EYS: variants seen among roughly 807,000 people sequenced by gnomAD.
EYS encodes the protein EGF-like photoreceptor maintenance factor.
Under a neutral mutation model 282.1 loss-of-function variants are expected in EYS, and 250 were observed. That is an observed-to-expected ratio of 0.89 (90% CI 0.80 to 0.98). The LOEUF is 0.98. Ranked by LOEUF, EYS falls within the 50% of genes least tolerant of loss-of-function variation. The pLI, the probability that EYS is intolerant of heterozygous loss-of-function variation, is 0.00. For missense variants in EYS, 4,016 were observed against 3,709.0 expected, an observed-to-expected ratio of 1.08 and a Z score of -2.15; for synonymous variants, 1,355 against 1,282.9, an observed-to-expected ratio of 1.06 and a Z score of -1.20.
Position 64,019,320 on chromosome 6 carries a change from A to T in EYS, c.6726-20137T>A, listed in dbSNP as rs895930924. On this transcript the variant is annotated intron_variant, in intron 33 of 42. Coordinates refer to ENST00000503581, the MANE Select transcript of EYS (RefSeq NM_001142800.2). The stretch of plus-strand genomic sequence containing the variant: ...GACTTCTGGTTTCCAGAGCTGTGAG[A>T]TAATAAATTTCTGTTGTTTTAGGCC... Among the ~76,000 whole-genome samples, 12 of 152,288 alleles carry T rather than the reference A, an allele frequency of 7.9e-5. No individual in the cohort carries two copies. The East Asian group carries it at 2.1e-3, about 27-fold the overall frequency.
At chr6:64,270,725 C>T (rs1767916030) in intron 30 of EYS, among the ~76,000 whole-genome samples, 1 of 152,126 alleles carries the variant, frequency 6.6e-6, no homozygotes, top group African/African-American at 2.4e-5. Context: ...AGTCTAATGA[C>T]TTAATAAACA....
intron 29 of EYS, among the ~76,000 whole-genome samples, chr6:64,347,453 G>A (rs1771451897): frequency 6.6e-6 from 1 of 151,324 alleles, no homozygotes; most frequent in African/African-American, 2.4e-5. Flanking sequence ...AAAATCTGAA[G>A]ATGGAGGGTG....
intron 1 of EYS, among the ~76,000 whole-genome samples, chr6:65,660,148 G>A (rs899584490): frequency 6.6e-6 from 1 of 151,772 alleles, no homozygotes; most frequent in South Asian, 2.1e-4. Flanking sequence ...AGAACCTTTT[G>A]AGCATTGAGT....
At chr6:65,041,589 T>C (rs1772935709) in intron 13 of EYS, among the ~76,000 whole-genome samples, 1 of 151,672 alleles carries the variant, frequency 6.6e-6, no homozygotes, top group Non-Finnish European at 1.5e-5. Flanking sequence ...TCCAACACAG[T>C]ACTCCTGTGT....
At chr6:64,640,575 G>C (rs182130055) in intron 22 of EYS, among the ~76,000 whole-genome samples, 6 of 151,294 alleles carry the variant, frequency 4.0e-5, no homozygotes, top group Non-Finnish European at 5.9e-5. Flanking sequence ...GTTGTGGGGT[G>C]GGGGGAGTGG....
chr6:65,109,151 T>C (rs1775132122), intron 12 of EYS, among the ~76,000 whole-genome samples: 1 of 152,040 alleles, frequency 6.6e-6, no homozygotes, highest in Admixed American at 6.6e-5. Context: ...ATACAAACTA[T>C]TTTTATTTTT....
In EYS at chr6:65,618,623, T is replaced by C. The variant is rs532592725; in HGVS notation, c.-333+21155A>G. ...TTTTGGTGTTTTACATATGAAGTCC[T>C]TGCCCATGCCTATGTCCTGAATGGT... On this transcript the variant is annotated intron_variant, in intron 2 of 42. Coordinates refer to ENST00000503581, the MANE Select transcript of EYS (RefSeq NM_001142800.2). Among the ~76,000 whole-genome samples the C allele has an allele frequency of 5.9e-5, 9 of 152,370 alleles. 1 individual carries two copies. The highest frequency in any genetic ancestry group is 5.9e-4 in the Admixed American group (9 of 15,304).
At chr6:64,063,964 G>A (rs1448837593) in intron 33 of EYS, among the ~76,000 whole-genome samples, 1 of 152,128 alleles carries the variant, frequency 6.6e-6, no homozygotes, top group Admixed American at 6.6e-5. Context: ...CTGACCTCAG[G>A]TGATCCAGCC....
At chr6:63,765,744 T>C (rs1769772289) in intron 40 of EYS, among the ~76,000 whole-genome samples, 1 of 152,034 alleles carries the variant, frequency 6.6e-6, no homozygotes, top group Non-Finnish European at 1.5e-5. Flanking sequence ...TCCTTGCTCA[T>C]TCATTCTCAC....
intron 33 of EYS, among the ~76,000 whole-genome samples, chr6:64,028,323 G>A (rs1053453725): frequency 1.6e-4 from 24 of 151,674 alleles, no homozygotes; most frequent in Admixed American, 5.3e-4. Context: ...AGCTCATAAA[G>A]GATTACAGAA....
intron 31 of EYS, among the ~76,000 whole-genome samples, chr6:64,183,006 C>G (rs921505480): frequency 4.6e-5 from 7 of 152,100 alleles, no homozygotes; most frequent in African/African-American, 1.7e-4. Context: ...CAACATGTCA[C>G]GGGAACGACC....
At chr6:65,081,271 T>TCTAGTGA (rs1774223885) in intron 12 of EYS, among the ~76,000 whole-genome samples, 2 of 152,026 alleles carry the variant, frequency 1.3e-5, no homozygotes, top group African/African-American at 2.4e-5. Context: ...ATCACTATGA[T>TCTAGTGA]TTCTACTTCC....
At chr6:64,493,859 T>G (rs1184324530) in intron 26 of EYS, among the ~76,000 whole-genome samples, 1 of 151,476 alleles carries the variant, frequency 6.6e-6, no homozygotes, top group African/African-American at 2.4e-5. Flanking sequence ...CAAGAGGTAC[T>G]GGGATGAAAG....
chr6:64,904,782 G>C (rs1162601947), intron 16 of EYS, among the ~76,000 whole-genome samples: 2 of 152,110 alleles, frequency 1.3e-5, no homozygotes, highest in Admixed American at 1.3e-4. Context: ...CAGGGCCCAG[G>C]ACCTTGGGTA....
At chr6:65,220,443 A>C (rs1380316234) in intron 12 of EYS, among the ~76,000 whole-genome samples, 1 of 152,094 alleles carries the variant, frequency 6.6e-6, no homozygotes, top group Non-Finnish European at 1.5e-5. Context: ...TTGATAGTTT[A>C]TAAAGAAAAA....
intron 12 of EYS, among the ~76,000 whole-genome samples, chr6:65,231,365 G>T (rs1472727532): frequency 6.6e-6 from 1 of 151,140 alleles, no homozygotes; most frequent in African/African-American, 2.4e-5. Flanking sequence ...TTATTTGAAT[G>T]AAATCCATTC....
chr6:64,679,915 C>T (rs1769836378), intron 22 of EYS, among the ~76,000 whole-genome samples: 1 of 152,084 alleles, frequency 6.6e-6, no homozygotes, highest in African/African-American at 2.4e-5. Flanking sequence ...GTTACTTTCT[C>T]CCCTTATATA....
intron 41 of EYS, among the ~76,000 whole-genome samples, chr6:63,737,316 A>C (rs1450534007): frequency 6.6e-6 from 1 of 152,078 alleles, no homozygotes; most frequent in Non-Finnish European, 1.5e-5. Context: ...GAATTTTGTC[A>C]AAGGCCTTTT....
chr6:65,182,045 C>A (rs1432925120), intron 12 of EYS, among the ~76,000 whole-genome samples: 1 of 151,726 alleles, frequency 6.6e-6, no homozygotes, highest in African/African-American at 2.4e-5. Context: ...ACATCACACA[C>A]CGGGGCCTGT....
Sources: allele counts gnomAD v4.1 joint callset (sites outside exome capture counted in the v4.1 genomes callset), GRCh38; gene constraint gnomAD v4.1.1; transcripts MANE v1.5; gene names NCBI Gene and HGNC (gene_info 2026-07-23, HGNC 2026-07-21).